GRM8: variants seen among roughly 807,000 people sequenced by gnomAD.
The protein encoded by GRM8 is metabotropic glutamate receptor 8.
A neutral mutation model predicts 87.2 loss-of-function variants in GRM8; 47 were observed. That is an observed-to-expected ratio of 0.54 (90% confidence interval 0.43 to 0.69). The LOEUF (loss-of-function observed/expected upper bound fraction) is 0.69. Ranked by LOEUF, GRM8 falls within the 30% of genes least tolerant of loss-of-function variation. The pLI is 0.00. For missense variants in GRM8, 1,019 were observed against 1,139.2 expected (o/e 0.89, Z 1.52); for synonymous variants, 396 against 404.5 (o/e 0.98, Z 0.25).
intron 8 of GRM8, among the ~76,000 whole-genome samples, chr7:126,534,696 T>C (rs1261925922): frequency 6.6e-6 from 1 of 152,210 alleles, no homozygotes; most frequent in Non-Finnish European, 1.5e-5. Flanking sequence ...AAGCAGTTCG[T>C]GAAAGAGACA....
At chr7:126,453,148 C>T (rs539618239) in intron 9 of GRM8, among the ~76,000 whole-genome samples, 1 of 150,952 alleles carries the variant, frequency 6.6e-6, no homozygotes, top group East Asian at 2.0e-4. Flanking sequence ...AGGAAATATA[C>T]TTTATGTTTG....
intron 2 of GRM8, among the ~76,000 whole-genome samples, chr7:127,171,127 G>C (rs775791625): frequency 4.6e-5 from 7 of 152,196 alleles, no homozygotes; most frequent in Non-Finnish European, 8.8e-5. Context: ...GAGTACTGCA[G>C]ATGTGATGCA....
intron 3 of GRM8, among the ~76,000 whole-genome samples, chr7:126,933,017 A>G (rs759487416): frequency 8.5e-5 from 13 of 152,182 alleles, no homozygotes; most frequent in Non-Finnish European, 1.8e-4. Context: ...TATCCAGGAA[A>G]GGCTAAAACC....
At chr7:126,608,018 T>C (rs1181271747) in intron 8 of GRM8, among the ~76,000 whole-genome samples, 2 of 151,988 alleles carry the variant, frequency 1.3e-5, no homozygotes, top group African/African-American at 4.8e-5. Flanking sequence ...CTACAGAACG[T>C]GCTCCATACT....
At chr7:126,728,202 A>T in intron 7 of GRM8, among the ~76,000 whole-genome samples, 1 of 152,188 alleles carries the variant, frequency 6.6e-6, no homozygotes, top group East Asian at 1.9e-4. Context: ...AGGGGACTGC[A>T]GCACATGGGT....
At chr7:127,126,592 C>T (rs1422190095) in intron 2 of GRM8, among the ~76,000 whole-genome samples, 1 of 151,858 alleles carries the variant, frequency 6.6e-6, no homozygotes, top group African/African-American at 2.4e-5. Flanking sequence ...GTCCATGTAA[C>T]AAAATTGCAC....
At position 126,630,783 on chromosome 7, in the gene GRM8, A is replaced by G. The variant is rs187338817; in HGVS notation, c.1358-21285T>C. ...ACACAGAACTAAAGATAAAAATCAT[A>G]TGATTATCTCAATGGATGCAGAAAA... On this transcript the variant is annotated intron_variant, in intron 7 of 10. Transcript: ENST00000339582. Among the ~76,000 whole-genome samples the G allele has an allele frequency of 1.7e-3, 257 of 152,306 alleles. 3 individuals are homozygous for G. The highest frequency in any genetic ancestry group is 5.8e-3 in the African/African-American group (240 of 41,572).
intron 7 of GRM8, among the ~76,000 whole-genome samples, chr7:126,764,316 T>C (rs1466391020): frequency 1.3e-5 from 2 of 152,028 alleles, no homozygotes; most frequent in African/African-American, 4.8e-5. Context: ...TAAATATTTG[T>C]TCGATTTCTA....
chr7:126,559,838 T>C (rs1416859413), intron 8 of GRM8, among the ~76,000 whole-genome samples: 1 of 148,630 alleles, frequency 6.7e-6, no homozygotes, highest in Non-Finnish European at 1.5e-5. Flanking sequence ...ATAGTGAGTT[T>C]ACTGCCTTTG....
chr7:126,867,889 AG>A (rs1219277310), intron 6 of GRM8, among the ~76,000 whole-genome samples: 1 of 152,256 alleles, frequency 6.6e-6, no homozygotes, highest in African/African-American at 2.4e-5. Context: ...GTATTTATAA[AG>A]TACCTCAATA....
At chr7:127,024,918 A>G (rs17865283) in intron 3 of GRM8, among the ~76,000 whole-genome samples, 1,673 of 151,958 alleles carry the variant, frequency 0.011, 25 homozygotes, top group African/African-American at 0.037. Flanking sequence ...CACCAATTCC[A>G]TTTTATTTCC....
chr7:127,055,728 A>ATAGT, intron 3 of GRM8, among the ~76,000 whole-genome samples: 1 of 152,178 alleles, frequency 6.6e-6, no homozygotes, highest in Middle Eastern at 3.4e-3. Flanking sequence ...AAAAACACCA[A>ATAGT]AGCCCTCATT....
At chr7:127,089,285 G>A (rs1823822159) in intron 3 of GRM8, among the ~76,000 whole-genome samples, 3 of 152,210 alleles carry the variant, frequency 2.0e-5, no homozygotes, top group African/African-American at 7.2e-5. Context: ...CACCAAAACC[G>A]AGGAGAGAAG....
chr7:126,858,072 A>C (rs768686931), intron 6 of GRM8, among the ~76,000 whole-genome samples: 7 of 152,188 alleles, frequency 4.6e-5, no homozygotes, highest in Non-Finnish European at 8.8e-5. Flanking sequence ...CAAAGAAAAT[A>C]ATAACCCCAT....
chr7:127,248,963 C>T (rs1048774879), intron 1 of GRM8, among the ~76,000 whole-genome samples: 5 of 152,190 alleles, frequency 3.3e-5, no homozygotes, highest in Middle Eastern at 3.2e-3. Context: ...ATCTAAATCG[C>T]TATTCTGAAG....
chr7:127,044,077 C>A (rs1427873097), intron 3 of GRM8, among the ~76,000 whole-genome samples: 1 of 152,200 alleles, frequency 6.6e-6, no homozygotes. Flanking sequence ...AAGGGGTTCC[C>A]CCAGCAGCAC....
At chr7:126,666,927 T>C (rs1365046295) in intron 7 of GRM8, among the ~76,000 whole-genome samples, 2 of 152,194 alleles carry the variant, frequency 1.3e-5, no homozygotes, top group African/African-American at 2.4e-5. Context: ...TTATGCTCCA[T>C]TGGGGATATT....
chr7:126,795,859 A>G lies in GRM8; in HGVS notation c.1157-25794T>C, dbSNP rs536253137. 2.6e-5 allele frequency among the ~76,000 whole-genome samples: 4 copies of G among 152,212 alleles called. No individual in the cohort carries two copies. The South Asian group carries it at 8.3e-4, about 32-fold the overall frequency. On this transcript the variant is annotated intron_variant, in intron 6 of 10. Coordinates refer to ENST00000339582, the MANE Select transcript of GRM8 (RefSeq NM_000845.3). Reference sequence around the variant, plus strand: ...AGAATAAAATAAGACTGGAAAAAAAAAAAGCCCAAAATTTTTGGAAAGGCA... The same window carrying G: ...AGAATAAAATAAGACTGGAAAAAAAGAAAGCCCAAAATTTTTGGAAAGGCA...
intron 7 of GRM8, among the ~76,000 whole-genome samples, chr7:126,671,337 C>A (rs1806366499): frequency 6.6e-6 from 1 of 152,206 alleles, no homozygotes; most frequent in Non-Finnish European, 1.5e-5. Context: ...AACAGAGTTC[C>A]ATGAAAGCCA....
Sources: allele counts gnomAD v4.1 joint callset (sites outside exome capture counted in the v4.1 genomes callset), GRCh38; gene constraint gnomAD v4.1.1; transcripts MANE v1.5; gene names NCBI Gene and HGNC (gene_info 2026-07-23, HGNC 2026-07-21).